Variants in DCTN3 observed in about 807,000 individuals in gnomAD.
DCTN3 encodes the protein dynactin 3 (p22).
A neutral mutation model predicts 28.4 loss-of-function variants in DCTN3; 25 were observed. The ratio of observed to expected loss-of-function variants is 0.88; its 90% CI spans 0.64 to 1.23. DCTN3 has a LOEUF of 1.23. Ranked by LOEUF, DCTN3 falls within the 50% of genes most tolerant of loss-of-function variation. The pLI, the probability that DCTN3 is intolerant of heterozygous loss-of-function variation, is 0.00. For synonymous variants in DCTN3, 81 were observed against 91.4 expected, an observed-to-expected ratio of 0.89 and a Z score of 0.65; for missense variants, 229 against 232.0, an observed-to-expected ratio of 0.99 and a Z score of 0.08.
rs1027421552 is a variant in DCTN3 at position 34,620,454 on chromosome 9, A to G, written c.11T>C (p.Leu4Pro). The change falls in exon 1 of 7, where the codon CTG becomes CCG. Residue 4 changes from leucine to proline, a missense_variant. Transcript: ENST00000259632. MAGLTDLQRLQARV... is the reference protein window; with the variant it reads MAGPTDLQRLQARV... ...GGCCTGTAGCCGCTGCAAGTCAGTC[A>G]GACCCGCCATCGCTACTACCGACCC... is the stretch of plus-strand genomic sequence containing the variant. The G allele has an allele frequency of 6.4e-7, 1 of 1,551,774 alleles. No homozygotes were observed. Among genetic ancestry groups the G allele is most frequent in the African/African-American group, 1.4e-5 (1 of 73,142 alleles).
At position 34,614,993 on chromosome 9, in the gene DCTN3, AC is replaced by A. The variant is rs374081381; in HGVS notation, c.353-226del. On this transcript the variant is annotated intron_variant, in intron 4 of 6. Transcript: ENST00000259632. The stretch of plus-strand genomic sequence containing the variant: ...GGAAGATACATGTCCCGAGGAGAAG[AC>A]AAAACCTTGGGGTTCCCAGTGTTGC... The A allele has an allele frequency of 3.6e-4, 205 of 565,336 alleles. 3 individuals are homozygous for A. In the South Asian group the frequency reaches 4.8e-3, roughly 13 times the overall value. 35.0% of individuals were successfully genotyped at this position (565,336 alleles called of 1,614,324 possible).
chr9:34,619,146 A>G (rs1268789105), intron 1 of DCTN3, among the ~76,000 whole-genome samples: 1 of 152,172 alleles, frequency 6.6e-6, no homozygotes, highest in East Asian at 1.9e-4. Context: ...CTCCACATCA[A>G]ATTTGGTGTG....
chr9:34,618,463 C>T (rs1820473358), intron 2 of DCTN3, among the ~76,000 whole-genome samples: 1 of 152,220 alleles, frequency 6.6e-6, no homozygotes. Flanking sequence ...TATTTCATAA[C>T]TTAGGACACT....
At chr9:34,614,679 T>C in intron 5 of DCTN3, 31 bp downstream of exon 5, 1 of 1,613,676 alleles carries the variant, frequency 6.2e-7, no homozygotes, top group Non-Finnish European at 8.5e-7. Flanking sequence ...GCCACCTCCA[T>C]CTTCGCTTCT....
rs867112477 is a variant in DCTN3 at position 34,616,119 on chromosome 9, G to A, written c.269-6C>T. On this transcript the variant is annotated splice_region_variant and splice_polypyrimidine_tract_variant and intron_variant, in intron 3 of 6. Transcript: ENST00000259632. This position sits in a 1 kb window ranked among gnomAD's most constrained non-coding sequence, Gnocchi z 4.7. ...GGAAAGGATAAACTGCTCCTCTAAA[G>A]CAAAAATGGACAAGATAGTTGCAGT... 1 of 1,613,144 alleles carries A rather than the reference G, an allele frequency of 6.2e-7. No homozygotes were observed. Among genetic ancestry groups the A allele is most frequent in the Non-Finnish European group, 8.5e-7 (1 of 1,179,248 alleles).
At chr9:34,618,548 T>C (rs950067957) in intron 2 of DCTN3, 128 bp downstream of exon 2, 1 of 730,898 alleles carries the variant, frequency 1.4e-6, no homozygotes, top group African/African-American at 1.7e-5. Flanking sequence ...TGTAGGTAAA[T>C]GTCCTCATAA....
chr9:34,614,452 C>T (rs1204724393), intron 5 of DCTN3: 5 of 613,706 alleles, frequency 8.1e-6, no homozygotes, highest in African/African-American at 7.4e-5. Flanking sequence ...ACATACCATC[C>T]CCAGGAATTC....
intron 4 of DCTN3, chr9:34,615,157 C>T (rs1420188194): frequency 5.4e-6 from 1 of 185,894 alleles, no homozygotes; most frequent in Non-Finnish European, 1.1e-5. Context: ...AGATGGATGC[C>T]AGGTCCCTAA....
In DCTN3 at chr9:34,617,958, G is replaced by T; in HGVS notation, c.195C>A (p.Ile65=). ...CGATGTACTCAGGATCCAGGTACTT[G>T]ATCAGATCTTCAACTAGAAAAGTAG... The part of the protein sequence containing the change: ...KILYKKIEDL[I]KYLDPEYIDR... The change falls in exon 3 of 7, where the codon ATC becomes ATA. Residue 65 remains isoleucine, a synonymous_variant. Coordinates refer to ENST00000259632, the MANE Select transcript of DCTN3 (RefSeq NM_007234.5). 1.2e-6 allele frequency: 2 copies of T among 1,613,108 alleles called. No individual in the cohort carries two copies. The highest frequency in any genetic ancestry group is 1.7e-5 in the Admixed American group (1 of 59,998).
In DCTN3 at chr9:34,618,732, A is replaced by G. The variant is rs1820482269; in HGVS notation, c.125T>C (p.Val42Ala). Residue 42 changes from valine (V) to alanine (A), a missense_variant, in exon 2 of 7, where the codon GTG (valine) becomes GCG (alanine). Transcript: ENST00000259632. The part of the protein sequence containing the change: ...KVADGLVKVQ[V>A]ALGNISSKRE... ...CTTGCTGGAAATGTTCCCCAAAGCC[A>G]CCTGCACCTTGACCAGGCCGTCAGC... 4.3e-6 allele frequency: 7 copies of G among 1,614,032 alleles called. No individual in the cohort carries two copies. The highest frequency in any genetic ancestry group is 5.9e-6 in the Non-Finnish European group (7 of 1,180,026).
Position 34,616,060 on chromosome 9 carries a change from C to T in DCTN3, c.322G>A (p.Val108Met). The T allele has an allele frequency of 6.2e-7, 1 of 1,614,162 alleles. No homozygotes were observed. The highest frequency in any genetic ancestry group is 8.5e-7 in the Non-Finnish European group (1 of 1,180,020). Residue 108 changes from valine (V) to methionine (M), a missense_variant, in exon 4 of 7, where the codon GTG (valine) becomes ATG (methionine). Transcript: ENST00000259632. This position sits in a 1 kb window ranked among gnomAD's most constrained non-coding sequence, Gnocchi z 4.7. ...VALLEQVNAL[V>M]PMLDSAHIKA... ...ATGTGAGCACTGTCCAGCATGGGCA[C>T]CAAGGCATTCACCTGCTCCAGGAGT...
chr9:34,618,793 T>C (rs749400628), intron 1 of DCTN3, 33 bp from the exon 2 acceptor site: 9 of 1,540,222 alleles, frequency 5.8e-6, no homozygotes, highest in African/African-American at 5.4e-5. Context: ...TTCCAAGATA[T>C]ACTACCTGGC....
intron 3 of DCTN3, among the ~76,000 whole-genome samples, chr9:34,617,261 C>T (rs538502988): frequency 1.3e-5 from 2 of 152,234 alleles, no homozygotes; most frequent in East Asian, 3.9e-4. Context: ...AAGCAGGGAC[C>T]CTGTCTCCCC....
Position 34,616,206 on chromosome 9 carries a change from T to C in DCTN3, c.269-93A>G, listed in dbSNP as rs1564087510. On this transcript the variant is annotated intron_variant, in intron 3 of 6. Coordinates refer to ENST00000259632, the MANE Select transcript of DCTN3 (RefSeq NM_007234.5). The surrounding 1 kb of genome is among the most constrained non-coding windows in gnomAD (Gnocchi z 4.7). ...GGGCCTGAGGACCTGGCAAGGGAGATGGCTAGGTCCTAGAGCTTTGGACAG... is the reference window on the plus strand; with the variant it reads ...GGGCCTGAGGACCTGGCAAGGGAGACGGCTAGGTCCTAGAGCTTTGGACAG... 5 of 895,122 alleles carry C rather than the reference T, an allele frequency of 5.6e-6. No homozygotes were observed. The highest frequency in any genetic ancestry group is 5.2e-5 in the East Asian group (2 of 38,142). 55.4% of individuals were successfully genotyped at this position (895,122 alleles called of 1,614,324 possible). A position where few individuals can be genotyped will look rare whatever the true frequency, so the allele number is the denominator to read the frequency against.
At chr9:34,615,825 C>A in intron 4 of DCTN3, 1 of 411,890 alleles carries the variant, frequency 2.4e-6, no homozygotes, top group South Asian at 3.6e-5. Flanking sequence ...TTGTTTGAAC[C>A]AGGAGGCAGC....
chr9:34,615,902 A>C, intron 4 of DCTN3, 128 bp downstream of exon 4: 1 of 546,344 alleles, frequency 1.8e-6, no homozygotes, highest in Non-Finnish European at 2.9e-6. Context: ...CTCTGTCCAA[A>C]AAAAAAAAAA....
At chr9:34,620,058 T>C (rs1820517096) in intron 1 of DCTN3, among the ~76,000 whole-genome samples, 1 of 152,176 alleles carries the variant, frequency 6.6e-6, no homozygotes, top group African/African-American at 2.4e-5. Flanking sequence ...TATCGTGGAC[T>C]TCAGCTCTTA....
chr9:34,617,386 T>C (rs1305336045), intron 3 of DCTN3, among the ~76,000 whole-genome samples: 1 of 152,232 alleles, frequency 6.6e-6, no homozygotes, highest in Non-Finnish European at 1.5e-5. Context: ...TTTGGATGAA[T>C]AACGAAGCTC....
intron 2 of DCTN3, 105 bp downstream of exon 2, chr9:34,618,571 C>T (rs113752160): frequency 3.5e-6 from 3 of 848,170 alleles, no homozygotes; most frequent in African/African-American, 1.7e-5. Flanking sequence ...TTTCTATCCC[C>T]AAAGGGCTAT....
Sources: gnomAD v4.1 joint callset for allele counts (sites outside exome capture counted in the v4.1 genomes callset) on GRCh38, gnomAD v4.1.1 for gene constraint, Gnocchi (gnomAD v3.1) non-coding constraint, MANE v1.5 for transcripts, NCBI Gene and HGNC (gene_info 2026-07-23, HGNC 2026-07-21) for gene names.